The following CTNND2 variants were observed in gnomAD, a reference collection of about 807,000 sequenced individuals.
CTNND2 encodes the protein catenin delta 2, also known as catenin delta-2.
In CTNND2, 22 loss-of-function variants were observed where a neutral mutation model predicts 144.4. The ratio of observed to expected loss-of-function variants is 0.15; its 90% CI spans 0.11 to 0.22. The LOEUF (loss-of-function observed/expected upper bound fraction) is 0.22. Ranked by LOEUF, CTNND2 falls within the 10% of genes least tolerant of loss-of-function variation. The probability of loss-of-function intolerance (pLI) is 1.00; values close to 1 mark genes in which losing one functional copy is unlikely to be tolerated. For missense variants in CTNND2, 1,353 were observed against 1,618.8 expected (o/e 0.84, Z 2.82); for synonymous variants, 751 against 695.6 (o/e 1.08, Z -1.25).
chr5:11,221,635 C>A (rs1303106483), intron 10 of CTNND2, among the ~76,000 whole-genome samples: 2 of 152,202 alleles, frequency 1.3e-5, no homozygotes, highest in Non-Finnish European at 2.9e-5. Context: ...ACGAAGCCTT[C>A]TTGTATTGTT....
intron 1 of CTNND2, among the ~76,000 whole-genome samples, chr5:11,888,440 C>T (rs1243262435): frequency 6.6e-6 from 1 of 152,116 alleles, no homozygotes; most frequent in African/African-American, 2.4e-5. Flanking sequence ...CAACCTTAAT[C>T]CAATCAATGG....
chr5:11,276,261 A>C (rs1306894522), intron 9 of CTNND2, among the ~76,000 whole-genome samples: 7 of 152,214 alleles, frequency 4.6e-5, no homozygotes, highest in Non-Finnish European at 7.3e-5. Context: ...ATTGCAATAC[A>C]GATGATAATC....
At chr5:11,033,648 G>A (rs1271560873) in intron 16 of CTNND2, among the ~76,000 whole-genome samples, 1 of 152,102 alleles carries the variant, frequency 6.6e-6, no homozygotes, top group African/African-American at 2.4e-5. Flanking sequence ...GGCCAACATG[G>A]TGAAACCCTG....
At chr5:11,340,499 C>T (rs960627825) in intron 9 of CTNND2, among the ~76,000 whole-genome samples, 1 of 152,160 alleles carries the variant, frequency 6.6e-6, no homozygotes, top group Non-Finnish European at 1.5e-5. Flanking sequence ...GCTGAGGACA[C>T]ATATGTCTGA....
At chr5:11,343,687 C>T (rs1164835749) in intron 9 of CTNND2, among the ~76,000 whole-genome samples, 1 of 152,176 alleles carries the variant, frequency 6.6e-6, no homozygotes, top group Non-Finnish European at 1.5e-5. Flanking sequence ...AGTCATTTAA[C>T]ATTCTGATTC....
chr5:11,795,566 T>C (rs890959541), intron 1 of CTNND2, among the ~76,000 whole-genome samples: 13 of 152,014 alleles, frequency 8.6e-5, no homozygotes, highest in Non-Finnish European at 1.5e-4. Context: ...CTTGGTTAAA[T>C]GTAGCGTGGG....
chr5:11,395,695 G>GT (rs1439027328), intron 6 of CTNND2, among the ~76,000 whole-genome samples: 1 of 152,200 alleles, frequency 6.6e-6, no homozygotes, highest in Admixed American at 6.5e-5. Context: ...TTGTGAGAAG[G>GT]TAAGACTTAC....
chr5:11,174,570 T>C (rs1760273736), intron 11 of CTNND2, among the ~76,000 whole-genome samples: 1 of 152,196 alleles, frequency 6.6e-6, no homozygotes, highest in Admixed American at 6.5e-5. Context: ...ATTGTGCATA[T>C]TTGTAAAAAA....
intron 1 of CTNND2, among the ~76,000 whole-genome samples, chr5:11,877,123 T>C (rs1016207511): frequency 6.6e-6 from 1 of 152,280 alleles, no homozygotes; most frequent in African/African-American, 2.4e-5. Flanking sequence ...TTCAGTATTA[T>C]TTAGCCTAAG....
At chr5:11,150,788 G>A (rs6877976) in intron 12 of CTNND2, among the ~76,000 whole-genome samples, 61,105 of 151,686 alleles carry the variant, frequency 0.4, 12,458 homozygotes, top group Admixed American at 0.49. Flanking sequence ...CAGCTCACCC[G>A]GCTAATTTTT....
At chr5:11,742,628 A>C (rs1199442030) in intron 1 of CTNND2, among the ~76,000 whole-genome samples, 3 of 152,158 alleles carry the variant, frequency 2.0e-5, no homozygotes, top group Non-Finnish European at 4.4e-5. Context: ...CCTTATACCC[A>C]AGTGAATAAT....
intron 16 of CTNND2, among the ~76,000 whole-genome samples, chr5:11,045,173 T>G (rs1019652379): frequency 1.3e-5 from 2 of 152,224 alleles, no homozygotes; most frequent in Non-Finnish European, 2.9e-5. Flanking sequence ...CCATTTGTAC[T>G]GCTATAAAAG....
intron 3 of CTNND2, among the ~76,000 whole-genome samples, chr5:11,419,168 C>A (rs1016481938): frequency 6.6e-6 from 1 of 151,614 alleles, no homozygotes; most frequent in Non-Finnish European, 1.5e-5. Flanking sequence ...GAAAATGAGT[C>A]CAAGGAAGGA....
intron 18 of CTNND2, among the ~76,000 whole-genome samples, chr5:10,998,695 T>C (rs903479344): frequency 6.6e-6 from 1 of 152,222 alleles, no homozygotes; most frequent in Non-Finnish European, 1.5e-5. Context: ...GTGGAAAATA[T>C]TCCAAAACAT....
At chr5:11,753,582 T>C (rs940882181) in intron 1 of CTNND2, among the ~76,000 whole-genome samples, 8 of 151,888 alleles carry the variant, frequency 5.3e-5, no homozygotes, top group Non-Finnish European at 1.2e-4. Context: ...TTGAAATTTG[T>C]TGATGACTTT....
intron 3 of CTNND2, among the ~76,000 whole-genome samples, chr5:11,546,426 GA>G (rs1242007568): frequency 1.3e-5 from 2 of 151,874 alleles, no homozygotes; most frequent in African/African-American, 2.4e-5. Flanking sequence ...AAAATTGTAA[GA>G]TTTTTAGAAG....
chr5:11,119,832 A>G (rs1753903148), intron 12 of CTNND2, among the ~76,000 whole-genome samples: 1 of 152,150 alleles, frequency 6.6e-6, no homozygotes, highest in Non-Finnish European at 1.5e-5. Flanking sequence ...CCCTGATCTG[A>G]AAAAAACCCT....
At chr5:11,735,743 G>A (rs945157212) in intron 1 of CTNND2, among the ~76,000 whole-genome samples, 28 of 152,304 alleles carry the variant, frequency 1.8e-4, no homozygotes, top group African/African-American at 6.3e-4. Context: ...CACCATGCAA[G>A]ACATGCCTTT....
At chr5:11,754,290 C>CT (rs544834340) in intron 1 of CTNND2, among the ~76,000 whole-genome samples, 1 of 151,222 alleles carries the variant, frequency 6.6e-6, no homozygotes, top group African/African-American at 2.4e-5. Flanking sequence ...ATCTTTCTAA[C>CT]TTTTTTTTAT....
Sources: gnomAD v4.1 joint callset for allele counts (sites outside exome capture counted in the v4.1 genomes callset) on GRCh38, gnomAD v4.1.1 for gene constraint, MANE v1.5 for transcripts, NCBI Gene and HGNC (gene_info 2026-07-23, HGNC 2026-07-21) for gene names.